The following CNTN5 variants were observed in gnomAD, a reference collection of about 807,000 sequenced individuals.
The protein encoded by CNTN5 is contactin 5, also known as contactin-5.
CNTN5 carries 77 observed loss-of-function variants against 129.1 expected under a neutral mutation model. The observed-to-expected ratio is 0.60, with a 90% CI of 0.50 to 0.72. The LOEUF (loss-of-function observed/expected upper bound fraction) is 0.72. CNTN5 is among the 30% of genes least tolerant of loss of function. The pLI is 0.00. For missense variants in CNTN5, 1,478 were observed against 1,328.8 expected (o/e 1.11, Z -1.75); for synonymous variants, 509 against 465.6 (o/e 1.09, Z -1.20).
intron 1 of CNTN5, among the ~76,000 whole-genome samples, chr11:99,035,311 T>A (rs1201883185): frequency 2.6e-5 from 4 of 151,270 alleles, no homozygotes; most frequent in African/African-American, 7.3e-5. Flanking sequence ...CTGAGTTCAA[T>A]TCCTGGGTAT....
intron 13 of CNTN5, among the ~76,000 whole-genome samples, chr11:100,137,920 T>G (rs1249658011): frequency 6.6e-6 from 1 of 152,026 alleles, no homozygotes; most frequent in Non-Finnish European, 1.5e-5. Context: ...GGGATACCAG[T>G]CAAAATGATG....
chr11:100,262,799 T>C (rs1306769637), intron 17 of CNTN5, among the ~76,000 whole-genome samples: 1 of 151,512 alleles, frequency 6.6e-6, no homozygotes, highest in African/African-American at 2.4e-5. Context: ...GGGAGTGGGG[T>C]CCTAGGGGAG....
At chr11:99,162,910 G>A (rs1015193521) in intron 1 of CNTN5, among the ~76,000 whole-genome samples, 1 of 152,172 alleles carries the variant, frequency 6.6e-6, no homozygotes, top group African/African-American at 2.4e-5. Flanking sequence ...ATTTAAACGG[G>A]TAAGTTTTAC....
intron 3 of CNTN5, among the ~76,000 whole-genome samples, chr11:99,788,227 A>G (rs1004079478): frequency 6.6e-6 from 1 of 151,868 alleles, no homozygotes; most frequent in African/African-American, 2.4e-5. Flanking sequence ...TTCCTCTCTG[A>G]ATTCCTCCAT....
intron 13 of CNTN5, among the ~76,000 whole-genome samples, chr11:100,164,313 T>G (rs925650480): frequency 2.0e-5 from 3 of 151,860 alleles, no homozygotes; most frequent in Non-Finnish European, 4.4e-5. Context: ...CTGTATTTCT[T>G]AGTCCTTTGA....
At chr11:99,371,437 G>C (rs1437223729) in intron 2 of CNTN5, among the ~76,000 whole-genome samples, 3 of 151,970 alleles carry the variant, frequency 2.0e-5, no homozygotes, top group Admixed American at 2.0e-4. Context: ...TGTACTTTGA[G>C]TAATGACTCA....
intron 2 of CNTN5, among the ~76,000 whole-genome samples, chr11:99,475,867 A>C (rs991011465): frequency 6.6e-6 from 1 of 151,982 alleles, no homozygotes; most frequent in Non-Finnish European, 1.5e-5. Flanking sequence ...CAATGTTTAA[A>C]TCATATTTGA....
At chr11:99,736,222 A>G (rs1943705146) in intron 3 of CNTN5, among the ~76,000 whole-genome samples, 1 of 152,194 alleles carries the variant, frequency 6.6e-6, no homozygotes, top group Admixed American at 6.5e-5. Flanking sequence ...GGTTGCACCT[A>G]TGAACAGTGT....
At chr11:99,733,485 G>T (rs1005590407) in intron 3 of CNTN5, among the ~76,000 whole-genome samples, 2 of 151,968 alleles carry the variant, frequency 1.3e-5, no homozygotes, top group Non-Finnish European at 2.9e-5. Flanking sequence ...AACTGGGAGG[G>T]TCTATGGAAA....
chr11:99,458,812 G>A (rs967085655), intron 2 of CNTN5, among the ~76,000 whole-genome samples: 5 of 151,994 alleles, frequency 3.3e-5, no homozygotes, highest in Admixed American at 2.6e-4. Context: ...GTTTGAATTA[G>A]GAGGAAGAGT....
At chr11:99,342,689 C>G (rs370067822) in intron 2 of CNTN5, among the ~76,000 whole-genome samples, 1 of 147,782 alleles carries the variant, frequency 6.8e-6, no homozygotes, top group Non-Finnish European at 1.5e-5. Flanking sequence ...GGTGATAGTA[C>G]CACTGCACTC....
chr11:99,572,811 G>A (rs1949218491), intron 3 of CNTN5, among the ~76,000 whole-genome samples: 1 of 152,028 alleles, frequency 6.6e-6, no homozygotes, highest in Non-Finnish European at 1.5e-5. Context: ...ATGATTGTGG[G>A]TAGAAGAATT....
intron 2 of CNTN5, among the ~76,000 whole-genome samples, chr11:99,444,091 G>A (rs553934369): frequency 2.1e-4 from 32 of 151,904 alleles, no homozygotes; most frequent in African/African-American, 6.3e-4. Context: ...CCAGCTCTTC[G>A]GGAGGGTTGA....
chr11:99,626,372 A>G (rs646420), intron 3 of CNTN5, among the ~76,000 whole-genome samples: 59,567 of 151,894 alleles, frequency 0.39, 12,778 homozygotes, highest in Non-Finnish European at 0.49. Context: ...ATAGAAGGAC[A>G]CTTTAAAGAC....
At chr11:100,161,898 C>CAAAAAACAAAAAAA (rs1442381734) in intron 13 of CNTN5, among the ~76,000 whole-genome samples, 15 of 148,606 alleles carry the variant, frequency 1.0e-4, no homozygotes, top group Admixed American at 8.7e-4. Flanking sequence ...AAACAAAAAA[C>CAAAAAACAAAAAAA]ACACCTAAGC....
At chr11:100,105,977 A>G (rs1945417450) in intron 13 of CNTN5, among the ~76,000 whole-genome samples, 1 of 152,308 alleles carries the variant, frequency 6.6e-6, no homozygotes, top group Non-Finnish European at 1.5e-5. Context: ...AACAAAGTAT[A>G]CTTTTTAATG....
chr11:99,724,499 A>G (rs962341941), intron 3 of CNTN5, among the ~76,000 whole-genome samples: 1 of 152,176 alleles, frequency 6.6e-6, no homozygotes, highest in African/African-American at 2.4e-5. Flanking sequence ...CATTGTTCTA[A>G]GCCATTACAT....
chr11:100,201,707 T>C lies in CNTN5; in HGVS notation c.1884+8044T>C, dbSNP rs998451309. On this transcript the variant is annotated intron_variant, in intron 15 of 24. Coordinates refer to ENST00000524871, the MANE Select transcript of CNTN5 (RefSeq NM_014361.4). Reference sequence around the variant, plus strand: ...TGAAATTGGAAGGATAACTAATGTGTCAACTTTAACTGAAGATACCATAAG... The same window carrying C: ...TGAAATTGGAAGGATAACTAATGTGCCAACTTTAACTGAAGATACCATAAG... 2.5e-4 allele frequency among the ~76,000 whole-genome samples: 38 copies of C among 151,976 alleles called. 1 individual carries two copies. Among genetic ancestry groups the C allele is most frequent in the Admixed American group, 2.0e-3 (30 of 15,220 alleles).
At chr11:99,480,910 G>T (rs969057929) in intron 2 of CNTN5, among the ~76,000 whole-genome samples, 3 of 152,038 alleles carry the variant, frequency 2.0e-5, no homozygotes, top group African/African-American at 7.2e-5. Flanking sequence ...GATGGTTTTC[G>T]ATTCAATGAG....
Sources: allele counts gnomAD v4.1 joint callset (sites outside exome capture counted in the v4.1 genomes callset), GRCh38; gene constraint gnomAD v4.1.1; transcripts MANE v1.5; gene names NCBI Gene and HGNC (gene_info 2026-07-23, HGNC 2026-07-21).